C3orf33: variants seen among roughly 807,000 people sequenced by gnomAD.
The protein encoded by C3orf33 is AP-1 activity suppressor.
Under a neutral mutation model 28.7 loss-of-function variants are expected in C3orf33, and 23 were observed. That is an observed-to-expected ratio of 0.80 (90% CI 0.58 to 1.13). The LOEUF (loss-of-function observed/expected upper bound fraction) is 1.13, where lower values mean the gene tolerates loss of function less well. Among genes scored for constraint, C3orf33 ranks in the 50% most tolerant of loss-of-function variants. C3orf33 has a pLI of 0.00. For synonymous variants in C3orf33, 119 were observed against 120.5 expected (o/e 0.99, Z 0.08); for missense variants, 327 against 353.4 (o/e 0.93, Z 0.60).
chr3:155,768,160 G>A (rs562046642), intron 3 of C3orf33, among the ~76,000 whole-genome samples: 36 of 152,264 alleles, frequency 2.4e-4, no homozygotes, highest in South Asian at 1.0e-3. Flanking sequence ...GATTACAGGC[G>A]TGAGTCACCA....
chr3:155,798,836 C>T (rs1751557474), intron 2 of C3orf33, among the ~76,000 whole-genome samples: 1 of 152,042 alleles, frequency 6.6e-6, no homozygotes, highest in African/African-American at 2.4e-5. Context: ...AAGAGACAAC[C>T]CACAGAACAG....
chr3:155,778,154 A>AAAC (rs1329487115), intron 2 of C3orf33, among the ~76,000 whole-genome samples: 4 of 151,646 alleles, frequency 2.6e-5, no homozygotes, highest in Non-Finnish European at 5.9e-5. Flanking sequence ...AAAAAAAAAA[A>AAAC]AAAAAAAAAC....
intron 3 of C3orf33, among the ~76,000 whole-genome samples, chr3:155,773,040 G>A (rs1750638506): frequency 6.6e-6 from 1 of 152,146 alleles, no homozygotes; most frequent in South Asian, 2.1e-4. Context: ...CTTAGTAAGA[G>A]TGAGCTCCAT....
chr3:155,770,723 C>T (rs993180646), intron 3 of C3orf33, among the ~76,000 whole-genome samples: 9 of 152,238 alleles, frequency 5.9e-5, no homozygotes, highest in East Asian at 1.9e-4. Flanking sequence ...GGCTGAAGTG[C>T]AATGGTGCAA....
At chr3:155,795,221 C>T (rs978208584) in intron 2 of C3orf33, among the ~76,000 whole-genome samples, 1 of 152,082 alleles carries the variant, frequency 6.6e-6, no homozygotes, top group Non-Finnish European at 1.5e-5. Flanking sequence ...TTTGGGAGGC[C>T]GAGGTGGATA....
chr3:155,768,888 AAAG>A (rs1184903064), intron 3 of C3orf33, among the ~76,000 whole-genome samples: 1 of 152,178 alleles, frequency 6.6e-6, no homozygotes, highest in Non-Finnish European at 1.5e-5. Flanking sequence ...ATCTCAAAAT[AAAG>A]AAGGTCAGGT....
In C3orf33 at chr3:155,767,662, T is replaced by C. The variant is rs1237728949; in HGVS notation, c.330A>G (p.Pro110=). 5.8e-6 allele frequency: 9 copies of C among 1,552,322 alleles called. No homozygotes were observed. The highest frequency in any genetic ancestry group is 7.9e-6 in the Non-Finnish European group (9 of 1,144,056). Residue 110 remains proline (P), a synonymous_variant, in exon 4 of 5, where the codon CCA becomes CCG. Transcript: ENST00000340171. ...CCAACTTAACCAGCAAAGCACCACGTGGCTCTTCTAAAAAGGTTAGGTAGA... is the reference window on the plus strand; with the variant it reads ...CCAACTTAACCAGCAAAGCACCACGCGGCTCTTCTAAAAAGGTTAGGTAGA... ...LPIIASLRKE[P]RGALLVKLAG...
At position 155,781,966 on chromosome 3, in the gene C3orf33, C is replaced by T. The variant is rs543362945; in HGVS notation, c.175-6118G>A. Among the ~76,000 whole-genome samples, 61 of 151,700 alleles carry T rather than the reference C, an allele frequency of 4.0e-4. 3 individuals carry two copies. In the South Asian group the frequency reaches 0.012, roughly 31 times the overall value. On this transcript the variant is annotated intron_variant, in intron 2 of 4. Transcript: ENST00000340171. Reference sequence around the variant, plus strand: ...TGGCATGTGCTTGTAGTCCCAGCTACTCAGGAGGCTGAGGCAGGAGAACTG... The same window carrying T: ...TGGCATGTGCTTGTAGTCCCAGCTATTCAGGAGGCTGAGGCAGGAGAACTG...
chr3:155,793,162 G>A lies in C3orf33; in HGVS notation c.174+9370C>T, dbSNP rs151225079. The stretch of plus-strand genomic sequence containing the variant: ...TCAGTGAAATCCTTACAAGCCAGGC[G>A]AGAGTGACATGGCATAAAGTGCTGA... On this transcript the variant is annotated intron_variant, in intron 2 of 4. Coordinates refer to ENST00000340171, the MANE Select transcript of C3orf33 (RefSeq NM_001308229.2). 1.9e-4 allele frequency among the ~76,000 whole-genome samples: 28 copies of A among 151,026 alleles called. No individual in the cohort carries two copies. The East Asian group carries it at 3.7e-3, about 20-fold the overall frequency.
chr3:155,788,177 C>G (rs1460852301), intron 2 of C3orf33, among the ~76,000 whole-genome samples: 1 of 144,738 alleles, frequency 6.9e-6, no homozygotes, highest in Admixed American at 7.1e-5. Context: ...GGCGACAGAG[C>G]GAGACTCCGT....
rs147413475 is a variant in C3orf33, at chr3:155,798,614, T to C, written c.174+3918A>G. ...CTCTCTCTCTCATCATATACAAAAA[T>C]AAAATCAAAATGCATTAAAGACTTA... On this transcript the variant is annotated intron_variant, in intron 2 of 4. Coordinates refer to ENST00000340171, the MANE Select transcript of C3orf33 (RefSeq NM_001308229.2). Among the ~76,000 whole-genome samples the C allele has an allele frequency of 5.0e-3, 765 of 152,136 alleles. 9 individuals are homozygous for C. Among genetic ancestry groups the C allele is most frequent in the African/African-American group, 0.018 (734 of 41,500 alleles).
chr3:155,766,528 G>T (rs7615938), intron 4 of C3orf33, among the ~76,000 whole-genome samples: 13,808 of 152,288 alleles, frequency 0.091, 866 homozygotes, highest in Middle Eastern at 0.15. Context: ...CACCCTGGCT[G>T]TTTGTAGTTT....
intron 2 of C3orf33, among the ~76,000 whole-genome samples, chr3:155,779,329 C>G (rs1441829652): frequency 6.6e-6 from 1 of 152,104 alleles, no homozygotes; most frequent in Non-Finnish European, 1.5e-5. Flanking sequence ...GAGTCTCGCT[C>G]TGTTGCCCAG....
intron 2 of C3orf33, among the ~76,000 whole-genome samples, chr3:155,801,538 T>C (rs1751650802): frequency 6.6e-6 from 1 of 152,086 alleles, no homozygotes; most frequent in Non-Finnish European, 1.5e-5. Context: ...ATATTGTCAG[T>C]CTTAAAAAGG....
At position 155,800,725 on chromosome 3, in the gene C3orf33, T is replaced by C. The variant is rs190433704; in HGVS notation, c.174+1807A>G. Among the ~76,000 whole-genome samples, 364 of 146,030 alleles carry C rather than the reference T, an allele frequency of 2.5e-3. 4 individuals are homozygous for C. The highest frequency in any genetic ancestry group is 2.3e-3 in the Non-Finnish European group (155 of 66,794). On this transcript the variant is annotated intron_variant, in intron 2 of 4. Transcript: ENST00000340171. ...TCAGAATGTACAGAACTCCTAAAAT[T>C]CAACAACAAAAAAACAAACAACCCC...
At chr3:155,770,999 CAT>C (rs1403514395) in intron 3 of C3orf33, among the ~76,000 whole-genome samples, 1 of 60,306 alleles carries the variant, frequency 1.7e-5, no homozygotes, top group Non-Finnish European at 3.1e-5. Context: ...TGTGTTGAGA[CAT>C]AGTTTTGCTC....
intron 2 of C3orf33, among the ~76,000 whole-genome samples, chr3:155,778,277 T>A (rs1750814885): frequency 2.0e-5 from 3 of 152,162 alleles, no homozygotes; most frequent in Admixed American, 6.6e-5. Context: ...AGGACCTTTT[T>A]TAGAAAATAC....
intron 2 of C3orf33, among the ~76,000 whole-genome samples, chr3:155,782,167 A>T (rs1209647831): frequency 1.5e-5 from 2 of 133,754 alleles, no homozygotes; most frequent in Admixed American, 1.5e-4. Context: ...GACTCCGTCT[A>T]AAAAAAAAAA....
chr3:155,784,795 C>G (rs942370683), intron 2 of C3orf33, among the ~76,000 whole-genome samples: 15 of 150,628 alleles, frequency 1.0e-4, no homozygotes, highest in African/African-American at 2.4e-5. Flanking sequence ...AATACAAAAA[C>G]ACAGTAATGC....
Sources: gnomAD v4.1 joint callset for allele counts (sites outside exome capture counted in the v4.1 genomes callset) on GRCh38, gnomAD v4.1.1 for gene constraint, MANE v1.5 for transcripts, NCBI Gene and HGNC (gene_info 2026-07-23, HGNC 2026-07-21) for gene names.